Variants in SGCZ observed in about 807,000 individuals in gnomAD.
SGCZ encodes the protein sarcoglycan zeta.
In SGCZ, 40 loss-of-function variants were observed where a neutral mutation model predicts 41.3. The ratio of observed to expected loss-of-function variants is 0.97; its 90% confidence interval spans 0.75 to 1.26. The LOEUF (loss-of-function observed/expected upper bound fraction) is 1.26, where lower values mean the gene tolerates loss of function less well. Among genes scored for constraint, SGCZ ranks in the 50% most tolerant of loss-of-function variants. The pLI, the probability that SGCZ is intolerant of heterozygous loss-of-function variation, is 0.00. For synonymous variants in SGCZ, 206 were observed against 137.5 expected (o/e 1.50, Z -3.49); for missense variants, 552 against 369.8 (o/e 1.49, Z -4.04).
In SGCZ at chr8:14,435,471, G is replaced by C. The variant is rs188615020; in HGVS notation, c.235-111267C>G. Among the ~76,000 whole-genome samples the C allele has an allele frequency of 5.8e-3, 875 of 151,922 alleles. 41 individuals are homozygous for C. The highest frequency in any genetic ancestry group is 0.052 in the Admixed American group (793 of 15,252). ...CTTCTCTTGAATTTTTTTCACTCCT[G>C]TTTGTTCTTATATCCCTTTACCCCA... On this transcript the variant is annotated intron_variant, in intron 2 of 7. Coordinates refer to ENST00000382080, the MANE Select transcript of SGCZ (RefSeq NM_139167.4).
chr8:14,911,389 A>T (rs1432311972), intron 1 of SGCZ, among the ~76,000 whole-genome samples: 1 of 152,066 alleles, frequency 6.6e-6, no homozygotes, highest in Non-Finnish European at 1.5e-5. Flanking sequence ...CAGCATCAAA[A>T]GAAATCTAGG....
chr8:14,949,924 T>C (rs1231504380), intron 1 of SGCZ, among the ~76,000 whole-genome samples: 1 of 152,082 alleles, frequency 6.6e-6, no homozygotes, highest in African/African-American at 2.4e-5. Context: ...TGTTTAAGAC[T>C]GCTGTTTTAA....
At chr8:14,398,306 T>C (rs1383272613) in intron 2 of SGCZ, among the ~76,000 whole-genome samples, 3 of 152,138 alleles carry the variant, frequency 2.0e-5, no homozygotes, top group South Asian at 2.1e-4. Flanking sequence ...CTTAGCAACA[T>C]TGCTTGAGTT....
chr8:14,575,307 G>A lies in SGCZ; in HGVS notation c.40-20381C>T, dbSNP rs1585093182. On this transcript the variant is annotated intron_variant, in intron 1 of 7. Coordinates refer to ENST00000382080, the MANE Select transcript of SGCZ (RefSeq NM_139167.4). ...AGATGTACAGGTATGGCTACTTTGAGTTGAATGGAAATAGCAAGTGATGGG... is the reference window on the plus strand; with the variant it reads ...AGATGTACAGGTATGGCTACTTTGAATTGAATGGAAATAGCAAGTGATGGG... Among the ~76,000 whole-genome samples the A allele has an allele frequency of 2.0e-5, 3 of 152,276 alleles. No homozygotes were observed. In the South Asian group the frequency reaches 6.2e-4, roughly 32 times the overall value.
intron 1 of SGCZ, among the ~76,000 whole-genome samples, chr8:15,158,846 T>A (rs945144742): frequency 6.6e-6 from 1 of 152,204 alleles, no homozygotes; most frequent in African/African-American, 2.4e-5. Context: ...AGAAATATTA[T>A]GTGAAGTCTA....
At chr8:14,164,523 G>A in intron 5 of SGCZ, 57 bp downstream of exon 5, 7 of 1,597,956 alleles carry the variant, frequency 4.4e-6, no homozygotes, top group Middle Eastern at 1.7e-4. Flanking sequence ...AGCTCCTTGT[G>A]CAGTTGTATA....
intron 1 of SGCZ, among the ~76,000 whole-genome samples, chr8:14,773,886 T>C (rs1800320827): frequency 1.3e-5 from 2 of 152,188 alleles, no homozygotes; most frequent in South Asian, 4.1e-4. Flanking sequence ...AACAGTAGGA[T>C]TTAATATAAT....
At chr8:14,643,760 G>A (rs1444723835) in intron 1 of SGCZ, among the ~76,000 whole-genome samples, 1 of 151,618 alleles carries the variant, frequency 6.6e-6, no homozygotes, top group African/African-American at 2.4e-5. Context: ...AATATAGTAT[G>A]CTTTCATTTG....
chr8:14,129,847 G>A (rs910050679), intron 5 of SGCZ, among the ~76,000 whole-genome samples: 25 of 152,046 alleles, frequency 1.6e-4, no homozygotes, highest in African/African-American at 6.0e-4. Flanking sequence ...AAAGACAGAA[G>A]TAACTGGAAA....
intron 1 of SGCZ, among the ~76,000 whole-genome samples, chr8:15,233,729 T>C (rs79638388): frequency 6.6e-6 from 1 of 152,130 alleles, no homozygotes; most frequent in African/African-American, 2.4e-5. Context: ...TAGTTTGTAA[T>C]TTTTGTAACG....
chr8:15,012,820 AG>A (rs555398994), intron 1 of SGCZ, among the ~76,000 whole-genome samples: 19 of 150,834 alleles, frequency 1.3e-4, no homozygotes, highest in African/African-American at 3.9e-4. Flanking sequence ...TACGTATACA[AG>A]AATCACTGCT....
chr8:15,131,374 C>T (rs144545644), intron 1 of SGCZ, among the ~76,000 whole-genome samples: 82 of 152,288 alleles, frequency 5.4e-4, no homozygotes, highest in African/African-American at 1.8e-3. Context: ...GTGAGACATG[C>T]CTTTCACTTT....
At chr8:15,098,334 G>T (rs1421698014) in intron 1 of SGCZ, among the ~76,000 whole-genome samples, 1 of 152,106 alleles carries the variant, frequency 6.6e-6, no homozygotes, top group African/African-American at 2.4e-5. Flanking sequence ...TGGTAATTAT[G>T]TTAGATGCAA....
chr8:14,920,644 T>C (rs1799562356), intron 1 of SGCZ, among the ~76,000 whole-genome samples: 2 of 152,156 alleles, frequency 1.3e-5, no homozygotes, highest in Admixed American at 6.5e-5. Flanking sequence ...GCCTAAGCCA[T>C]ATAAACTAAA....
At position 14,407,639 on chromosome 8, in the gene SGCZ, T is replaced by C. The variant is rs372566774; in HGVS notation, c.235-83435A>G. Among the ~76,000 whole-genome samples the C allele has an allele frequency of 3.7e-4, 57 of 152,318 alleles. 2 individuals are homozygous for C. In the South Asian group the frequency reaches 9.1e-3, roughly 24 times the overall value. On this transcript the variant is annotated intron_variant, in intron 2 of 7. Transcript: ENST00000382080. ...ATAATTCATAACTGTTGTATGCTAATCCTGCTAAATAGGTTGATAAAATAT... is the reference window on the plus strand; with the variant it reads ...ATAATTCATAACTGTTGTATGCTAACCCTGCTAAATAGGTTGATAAAATAT...
chr8:14,821,925 A>T (rs1802104189), intron 1 of SGCZ, among the ~76,000 whole-genome samples: 1 of 152,160 alleles, frequency 6.6e-6, no homozygotes, highest in South Asian at 2.1e-4. Flanking sequence ...CTAACTTTTC[A>T]CCACTTCTTT....
intron 1 of SGCZ, among the ~76,000 whole-genome samples, chr8:14,860,708 G>GAAAGAAAGAAAGAA (rs1554513265): frequency 3.3e-3 from 438 of 132,734 alleles, no homozygotes; most frequent in African/African-American, 8.5e-3. Context: ...AAGAAAGAAA[G>GAAAGAAAGAAAGAA]AGAAAGAAAG....
intron 1 of SGCZ, among the ~76,000 whole-genome samples, chr8:14,802,860 C>T (rs1475913908): frequency 6.6e-6 from 1 of 152,130 alleles, no homozygotes; most frequent in East Asian, 1.9e-4. Flanking sequence ...CATCCTGTTA[C>T]AGGCACTCAA....
intron 2 of SGCZ, among the ~76,000 whole-genome samples, chr8:14,506,977 TATCTC>T (rs909844514): frequency 2.6e-5 from 4 of 152,154 alleles, no homozygotes; most frequent in Admixed American, 2.0e-4. Flanking sequence ...TCCGTGATCT[TATCTC>T]AACTCAAATA....
Sources: allele counts gnomAD v4.1 joint callset (sites outside exome capture counted in the v4.1 genomes callset), GRCh38; gene constraint gnomAD v4.1.1; transcripts MANE v1.5; gene names NCBI Gene and HGNC (gene_info 2026-07-23, HGNC 2026-07-21).